The following TP53BP1 variants were observed in gnomAD, a reference collection of about 807,000 sequenced individuals.
TP53BP1 encodes the protein TP53-binding protein 1.
In TP53BP1, 61 loss-of-function variants were observed where a neutral mutation model predicts 200.8. The observed-to-expected ratio is 0.30, with a 90% CI of 0.25 to 0.38. The LOEUF (loss-of-function observed/expected upper bound fraction) is 0.38, where lower values mean the gene tolerates loss of function less well. Ranked by LOEUF, TP53BP1 falls within the 10% of genes least tolerant of loss-of-function variation. The pLI is 1.00. For synonymous variants in TP53BP1, 822 were observed against 844.3 expected, an observed-to-expected ratio of 0.97 and a Z score of 0.46; for missense variants, 2,144 against 2,371.9, an observed-to-expected ratio of 0.90 and a Z score of 2.00.
chr15:43,423,483 C>A (rs941412213), intron 18 of TP53BP1, among the ~76,000 whole-genome samples: 42 of 122,612 alleles, frequency 3.4e-4, no homozygotes, highest in African/African-American at 2.1e-3. Flanking sequence ...CATGGTGAAA[C>A]CCCGTCTCTA....
At chr15:43,453,097 C>G (rs897073221) in intron 12 of TP53BP1, among the ~76,000 whole-genome samples, 8 of 146,498 alleles carry the variant, frequency 5.5e-5, no homozygotes, top group African/African-American at 1.8e-4. Flanking sequence ...GGGAGGCTGA[C>G]GCAGGAGAAT....
chr15:43,418,235 C>G (rs561132158), intron 21 of TP53BP1, among the ~76,000 whole-genome samples: 1 of 148,394 alleles, frequency 6.7e-6, no homozygotes, highest in Admixed American at 6.7e-5. Flanking sequence ...TGGTGGCTCA[C>G]GTCTGTAATC....
upstream of TP53BP1, among the ~76,000 whole-genome samples, chr15:43,494,672 A>C (rs1171257144): frequency 1.3e-5 from 2 of 152,210 alleles, no homozygotes; most frequent in African/African-American, 4.8e-5. Context: ...ACCAGGTTAG[A>C]GCAATACTAA....
chr15:43,423,596 T>TG (rs397693563), intron 18 of TP53BP1, among the ~76,000 whole-genome samples: 2 of 53,128 alleles, frequency 3.8e-5, no homozygotes, highest in African/African-American at 2.1e-3. Flanking sequence ...GAGATGGAGC[T>TG]GCAGTGAGCT....
intron 17 of TP53BP1, among the ~76,000 whole-genome samples, chr15:43,430,681 G>A (rs2045648208): frequency 6.6e-6 from 1 of 152,040 alleles, no homozygotes. Flanking sequence ...GACCCCCAGT[G>A]GATGCCTGAA....
intron 17 of TP53BP1, among the ~76,000 whole-genome samples, chr15:43,429,491 T>C (rs2045623383): frequency 6.6e-6 from 1 of 152,194 alleles, no homozygotes; most frequent in Non-Finnish European, 1.5e-5. Context: ...AGTATCAAAG[T>C]AGCCAAGTCT....
chr15:43,427,973 A>G, intron 18 of TP53BP1, 43 bp downstream of exon 18: 2 of 1,326,242 alleles, frequency 1.5e-6, no homozygotes, highest in Non-Finnish European at 2.0e-6. Context: ...AAAAAAAAAA[A>G]GAAAGAAAGA....
intron 13 of TP53BP1, 57 bp downstream of exon 13, chr15:43,447,309 T>C: frequency 6.5e-7 from 1 of 1,545,308 alleles, no homozygotes; most frequent in South Asian, 1.2e-5. Context: ...ATCACTTGTG[T>C]AGAGAATGAT....
At chr15:43,450,070 C>T (rs2046131128) in intron 12 of TP53BP1, among the ~76,000 whole-genome samples, 1 of 152,172 alleles carries the variant, frequency 6.6e-6, no homozygotes, top group South Asian at 2.1e-4. Flanking sequence ...TATCAAATCC[C>T]TTCTTGTTTT....
chr15:43,462,209 T>C (rs2046452914), intron 11 of TP53BP1, among the ~76,000 whole-genome samples: 1 of 67,958 alleles, frequency 1.5e-5, no homozygotes, highest in Admixed American at 2.4e-4. Context: ...AGAGCGAGAC[T>C]TCATCTCAAA....
At chr15:43,498,012 T>C (rs548486167), upstream of TP53BP1, among the ~76,000 whole-genome samples, 1 of 152,286 alleles carries the variant, frequency 6.6e-6, no homozygotes, top group East Asian at 1.9e-4. Flanking sequence ...TATGGTTAAT[T>C]GTATAGGTAA....
At chr15:43,414,201 C>G (rs548330463) in intron 23 of TP53BP1, 3 of 436,372 alleles carry the variant, frequency 6.9e-6, no homozygotes, top group African/African-American at 4.1e-5. Flanking sequence ...GTGAAGACCA[C>G]CAAAGTTTGA....
intron 27 of TP53BP1, 41 bp downstream of exon 27, chr15:43,407,902 G>A: frequency 6.3e-7 from 1 of 1,587,134 alleles, no homozygotes; most frequent in Middle Eastern, 1.7e-4. Flanking sequence ...GGTCTAAGGA[G>A]ATCCCTGGAA....
chr15:43,472,679 GT>G (rs901329488), intron 10 of TP53BP1, among the ~76,000 whole-genome samples: 5 of 152,212 alleles, frequency 3.3e-5, no homozygotes, highest in African/African-American at 1.2e-4. Context: ...ATGTGTTCAC[GT>G]GTTGCTAGAA....
chr15:43,460,183 T>C (rs1351688226), intron 11 of TP53BP1, among the ~76,000 whole-genome samples: 3 of 152,186 alleles, frequency 2.0e-5, no homozygotes, highest in African/African-American at 7.2e-5. Context: ...ATTTTACATT[T>C]AGTGTGTTAT....
At chr15:43,459,095 T>C (rs1321730143) in intron 11 of TP53BP1, among the ~76,000 whole-genome samples, 2 of 152,184 alleles carry the variant, frequency 1.3e-5, no homozygotes, top group Non-Finnish European at 2.9e-5. Context: ...CTCAGCACTT[T>C]GGGAGGCCAA....
In TP53BP1 at chr15:43,441,547, G is replaced by A. The variant is rs1014505059; in HGVS notation, c.3077C>T (p.Ala1026Val). The change falls in exon 15 of 28, where the codon GCT (alanine) becomes GTT (valine). Residue 1026 changes from alanine to valine, a missense_variant. Coordinates refer to ENST00000382044, the MANE Select transcript of TP53BP1 (RefSeq NM_001141980.3). ...TTACCTGGCAACAGACTCAGCAACA[G>A]CAGTAGATCCATTTTTTCTTTCACC... ...ATGERKNGSTAVAESVASPQK... is the reference protein window; with the variant it reads ...ATGERKNGSTVVAESVASPQK... 1 of 1,613,126 alleles carries A rather than the reference G, an allele frequency of 6.2e-7. No homozygotes were observed. Among genetic ancestry groups the A allele is most frequent in the African/African-American group, 1.3e-5 (1 of 74,900 alleles).
chr15:43,493,260 GC>G, upstream of TP53BP1: 1 of 1,416,580 alleles, frequency 7.1e-7, no homozygotes. Flanking sequence ...AGAGTGCCCT[GC>G]CCCACGTAAG....
intron 1 of TP53BP1, among the ~76,000 whole-genome samples, chr15:43,509,770 C>A (rs1227923546): frequency 6.6e-6 from 1 of 152,052 alleles, no homozygotes; most frequent in Non-Finnish European, 1.5e-5. Context: ...GGCAGCCTTG[C>A]TGAATCTGAT....
Sources: allele counts gnomAD v4.1 joint callset (sites outside exome capture counted in the v4.1 genomes callset), GRCh38; gene constraint gnomAD v4.1.1; transcripts MANE v1.5; gene names NCBI Gene and HGNC (gene_info 2026-07-23, HGNC 2026-07-21).